Variants in KIAA1217 observed in about 807,000 individuals in gnomAD.
The protein encoded by KIAA1217 is KIAA1217, also known as sickle tail protein homolog.
A neutral mutation model predicts 163.9 loss-of-function variants in KIAA1217; 88 were observed. That is an observed-to-expected ratio of 0.54 (90% CI 0.45 to 0.64). The LOEUF (loss-of-function observed/expected upper bound fraction) is 0.64, where lower values mean the gene tolerates loss of function less well. Among genes scored for constraint, KIAA1217 ranks in the 30% least tolerant of loss-of-function variants. KIAA1217 has a pLI of 0.00. For missense variants in KIAA1217, 2,372 were observed against 2,475.0 expected (o/e 0.96, Z 0.88); for synonymous variants, 903 against 923.1 (o/e 0.98, Z 0.39).
chr10:24,422,748 A>G (rs1245732194), intron 3 of KIAA1217, among the ~76,000 whole-genome samples: 2 of 151,802 alleles, frequency 1.3e-5, no homozygotes, highest in East Asian at 2.0e-4. Flanking sequence ...AATTGCACCA[A>G]TTTGTCTGAA....
chr10:23,980,707 G>A (rs138859485), intron 1 of KIAA1217, among the ~76,000 whole-genome samples: 7 of 152,250 alleles, frequency 4.6e-5, no homozygotes, highest in African/African-American at 1.7e-4. Flanking sequence ...GTTTCTGAGA[G>A]CTTGGTGTTC....
chr10:24,468,697 C>T (rs1050421359), intron 5 of KIAA1217, among the ~76,000 whole-genome samples: 3 of 152,156 alleles, frequency 2.0e-5, no homozygotes, highest in African/African-American at 4.8e-5. Flanking sequence ...GGCAAGCAGC[C>T]GTCCTCATTG....
At chr10:23,823,568 C>A (rs1236854456) in intron 1 of KIAA1217, among the ~76,000 whole-genome samples, 1 of 152,090 alleles carries the variant, frequency 6.6e-6, no homozygotes, top group Non-Finnish European at 1.5e-5. Flanking sequence ...CTGCAAAGTC[C>A]CTCTTGCCAT....
At position 23,756,222 on chromosome 10, in the gene KIAA1217, C is replaced by G. The variant is rs570104969; in HGVS notation, c.-321+60988C>G. Among the ~76,000 whole-genome samples the G allele has an allele frequency of 8.9e-4, 135 of 151,954 alleles. 1 individual carries two copies. Among genetic ancestry groups the G allele is most frequent in the African/African-American group, 3.2e-3 (131 of 41,436 alleles). ...CAGTGATCCTCCCACTTCAGCCTTC[C>G]AAAATGCTGGGATTACAGGCATGAG... On this transcript the variant is annotated intron_variant, in intron 1 of 18. Transcript: ENST00000376462.
At chr10:24,261,729 G>A (rs185728935) in intron 2 of KIAA1217, among the ~76,000 whole-genome samples, 96 of 152,206 alleles carry the variant, frequency 6.3e-4, no homozygotes, top group Middle Eastern at 6.8e-3. Flanking sequence ...GTGGGCTACC[G>A]TAACCAGGAC....
chr10:24,243,070 C>T (rs548148104), intron 2 of KIAA1217, among the ~76,000 whole-genome samples: 13 of 152,168 alleles, frequency 8.5e-5, no homozygotes, highest in Admixed American at 3.3e-4. Context: ...TACAGAAGCT[C>T]TTCAGTTTAA....
At chr10:23,998,773 A>G (rs1051558920) in intron 1 of KIAA1217, among the ~76,000 whole-genome samples, 6 of 152,244 alleles carry the variant, frequency 3.9e-5, no homozygotes, top group African/African-American at 1.4e-4. Flanking sequence ...GGGCCTTTGC[A>G]TTGCATTGAA....
chr10:24,196,136 A>AACACACACAC (rs66954103), intron 2 of KIAA1217, among the ~76,000 whole-genome samples: 43 of 144,316 alleles, frequency 3.0e-4, no homozygotes, highest in African/African-American at 1.1e-3. Context: ...CCTGTCTCAA[A>AACACACACAC]ACACACACAC....
chr10:23,988,745 A>AT (rs1846088868), intron 1 of KIAA1217, among the ~76,000 whole-genome samples: 1 of 152,162 alleles, frequency 6.6e-6, no homozygotes. Context: ...TCTGTTTTTG[A>AT]TTTTCTAAGA....
intron 2 of KIAA1217, among the ~76,000 whole-genome samples, chr10:24,272,776 T>C (rs747440020): frequency 6.6e-6 from 1 of 152,226 alleles, no homozygotes; most frequent in African/African-American, 2.4e-5. Flanking sequence ...AAATAAATCA[T>C]ATTCAAGGGT....
intron 2 of KIAA1217, among the ~76,000 whole-genome samples, chr10:24,021,549 A>G (rs1360889137): frequency 2.6e-5 from 4 of 151,962 alleles, no homozygotes; most frequent in Non-Finnish European, 5.9e-5. Context: ...TCAGTGTAAT[A>G]CCAATGCAAA....
intron 1 of KIAA1217, among the ~76,000 whole-genome samples, chr10:23,902,328 G>A (rs978914091): frequency 3.3e-5 from 5 of 151,992 alleles, no homozygotes; most frequent in Admixed American, 6.6e-5. Context: ...ATAAGAACAC[G>A]TGGGCACATC....
intron 2 of KIAA1217, among the ~76,000 whole-genome samples, chr10:24,187,137 T>A (rs34118288): frequency 0.66 from 99,872 of 151,352 alleles, 33,355 homozygotes; most frequent in Middle Eastern, 0.75. Context: ...AGCTGTTCAT[T>A]AACTAATTGC....
At chr10:24,072,575 G>A (rs1327723543) in intron 2 of KIAA1217, among the ~76,000 whole-genome samples, 5 of 152,148 alleles carry the variant, frequency 3.3e-5, no homozygotes, top group Non-Finnish European at 7.4e-5. Flanking sequence ...GAGGGGCAGT[G>A]TGTGTTGCCT....
At chr10:24,432,861 C>G (rs2059713004) in intron 3 of KIAA1217, 134 bp from the exon 4 acceptor site, 1 of 650,312 alleles carries the variant, frequency 1.5e-6, no homozygotes, top group Non-Finnish European at 2.7e-6. Context: ...AATTCCAAAC[C>G]TAGATCTCTT....
chr10:24,478,724 A>C (rs1178269368), intron 6 of KIAA1217, among the ~76,000 whole-genome samples: 1 of 152,206 alleles, frequency 6.6e-6, no homozygotes, highest in Non-Finnish European at 1.5e-5. Flanking sequence ...TCTAGGTTGT[A>C]AAATTACTTC....
chr10:24,451,618 A>G (rs954891446), intron 5 of KIAA1217, among the ~76,000 whole-genome samples: 10 of 152,180 alleles, frequency 6.6e-5, no homozygotes, highest in Non-Finnish European at 1.2e-4. Context: ...AACCAACACA[A>G]CTCAAAGTTG....
intron 2 of KIAA1217, among the ~76,000 whole-genome samples, chr10:24,359,928 A>T (rs1316323652): frequency 6.6e-6 from 1 of 151,800 alleles, no homozygotes; most frequent in East Asian, 1.9e-4. Context: ...AAAAGGAATT[A>T]TATTACAATT....
rs539280382 is a variant in KIAA1217, at chr10:24,172,497, T to G, written c.-170-47129T>G. Among the ~76,000 whole-genome samples the G allele has an allele frequency of 2.6e-5, 4 of 152,300 alleles. No homozygotes were observed. In the East Asian group the frequency reaches 7.7e-4, roughly 29 times the overall value. ...CGCAGTGCATCCTAGCTGAGTTACC[T>G]TAGAAAAGTTGCTTAGCCTCTCTGT... On this transcript the variant is annotated intron_variant, in intron 2 of 18. Coordinates refer to the KIAA1217 transcript ENST00000376462.
Sources: gnomAD v4.1 joint callset for allele counts (sites outside exome capture counted in the v4.1 genomes callset) on GRCh38, gnomAD v4.1.1 for gene constraint, MANE v1.5 for transcripts, NCBI Gene and HGNC (gene_info 2026-07-23, HGNC 2026-07-21) for gene names.